JAK2: variants seen among roughly 807,000 people sequenced by gnomAD.
JAK2 encodes the protein tyrosine-protein kinase JAK2.
Under a neutral mutation model 139.3 loss-of-function variants are expected in JAK2, and 86 were observed. The observed-to-expected ratio is 0.62, with a 90% CI of 0.52 to 0.74. The LOEUF (loss-of-function observed/expected upper bound fraction) is 0.74. Among genes scored for constraint, JAK2 ranks in the 30% least tolerant of loss-of-function variants. JAK2 has a pLI of 0.00. For missense variants in JAK2, 1,421 were observed against 1,360.3 expected, an observed-to-expected ratio of 1.04 and a Z score of -0.70; for synonymous variants, 490 against 437.7, an observed-to-expected ratio of 1.12 and a Z score of -1.49.
intron 20 of JAK2, 47 bp downstream of exon 20, chr9:5,089,910 G>T: frequency 7.7e-7 from 1 of 1,295,672 alleles, no homozygotes. Flanking sequence ...TATGTGTTTG[G>T]CATCCTGTGT....
intron 22 of JAK2, chr9:5,108,911 T>C (rs1023810616): frequency 6.6e-5 from 10 of 152,130 alleles, no homozygotes; most frequent in African/African-American, 2.2e-4. Flanking sequence ...GCCTAGCAAA[T>C]TCCAACTACG....
chr9:5,119,743 GA>G (rs1179101182), intron 22 of JAK2, among the ~76,000 whole-genome samples: 1 of 152,068 alleles, frequency 6.6e-6, no homozygotes, highest in African/African-American at 2.4e-5. Context: ...CAACTTGTAT[GA>G]AAATCAGAAA....
chr9:5,013,805 G>A (rs1821869809), intron 2 of JAK2, among the ~76,000 whole-genome samples: 1 of 152,112 alleles, frequency 6.6e-6, no homozygotes, highest in African/African-American at 2.4e-5. Flanking sequence ...CTTAGATGAT[G>A]TGTAATTTAC....
rs776230238 is a variant in JAK2, at chr9:5,054,754, A to G, written c.806A>G (p.Lys269Arg). The change falls in exon 7 of 25, where the codon AAA becomes AGA. Residue 269 changes from lysine to arginine, a missense_variant. Transcript: ENST00000381652. The surrounding 1 kb of genome is among the most constrained non-coding windows in gnomAD (Gnocchi z 4.9). ...ETLQSAFYTE[K>R]FEVKEPGSGP... ...CTGCAGTCTGCCTTCTACACAGAGA[A>G]ATTTGAAGTAAAAGAACCTGGAAGT... 1.2e-6 allele frequency: 2 copies of G among 1,613,394 alleles called. No individual in the cohort carries two copies. Among genetic ancestry groups the G allele is most frequent in the Admixed American group, 3.3e-5 (2 of 59,952 alleles).
chr9:5,108,097 G>C (rs1822120561), intron 22 of JAK2: 1 of 151,836 alleles, frequency 6.6e-6, no homozygotes, highest in African/African-American at 2.4e-5. Context: ...TTTCTCTTCT[G>C]ATCTGCTGAT....
chr9:5,095,433 T>G (rs904003961), intron 22 of JAK2, among the ~76,000 whole-genome samples: 8 of 152,078 alleles, frequency 5.3e-5, no homozygotes, highest in African/African-American at 1.9e-4. Flanking sequence ...CATCTATAAT[T>G]CTCATGATGG....
In JAK2 at chr9:5,031,146, T is replaced by C. The variant is rs186301142; in HGVS notation, c.350+1240T>C. Among the ~76,000 whole-genome samples the C allele has an allele frequency of 2.2e-4, 33 of 152,322 alleles. 1 individual carries two copies. The highest frequency in any genetic ancestry group is 1.6e-3 in the Admixed American group (25 of 15,310). On this transcript the variant is annotated intron_variant, in intron 4 of 24. Transcript: ENST00000381652. ...ATATTACAAAGATCAATTTCTCTTA[T>C]GCTATATCCTTAGCTCTAAGCCAAT...
chr9:5,110,990 C>A (rs993644694), intron 22 of JAK2: 17 of 657,936 alleles, frequency 2.6e-5, no homozygotes, highest in Non-Finnish European at 4.6e-5. Context: ...ATGATGTTCC[C>A]GCTGCCCGTT....
chr9:5,072,350 G>A, intron 12 of JAK2, 142 bp from the exon 13 acceptor site: 1 of 508,694 alleles, frequency 2.0e-6, no homozygotes, highest in Non-Finnish European at 3.5e-6. Context: ...CATTAATTTG[G>A]AGTCTTAAAT....
intron 22 of JAK2, among the ~76,000 whole-genome samples, chr9:5,107,347 G>C (rs1197933517): frequency 6.6e-6 from 1 of 151,976 alleles, no homozygotes; most frequent in Non-Finnish European, 1.5e-5. Flanking sequence ...AGGCAGATTT[G>C]ACCCAATAAC....
chr9:5,118,302 C>T (rs1174572577), intron 22 of JAK2, among the ~76,000 whole-genome samples: 2 of 152,214 alleles, frequency 1.3e-5, no homozygotes, highest in East Asian at 3.8e-4. Context: ...CTTCCCTTCT[C>T]ATTCCAAATT....
intron 19 of JAK2, chr9:5,085,148 G>C: frequency 1.5e-6 from 1 of 646,808 alleles, no homozygotes; most frequent in Admixed American, 1.8e-5. Flanking sequence ...AATACATACT[G>C]TGGAGCTCTG....
rs58424625 is a variant in JAK2, at chr9:5,062,500, T to TAAAAAAAAAAAAAAAAAA, written c.1057-2369_1057-2352dup. On this transcript the variant is annotated intron_variant, in intron 8 of 24. Transcript: ENST00000381652. ...AAGTTTGTCAGAAACCTTCCATTTG[T>TAAAAAAAAAAAAAAAAAA]AAAAAAAAAAAAAAAAAAAAAAAAA... Among the ~76,000 whole-genome samples, 32 of 58,248 alleles carry TAAAAAAAAAAAAAAAAAA rather than the reference T, an allele frequency of 5.5e-4. 6 individuals carry two copies. The highest frequency in any genetic ancestry group is 3.1e-3 in the African/African-American group (30 of 9,598). 38.2% of individuals were successfully genotyped at this position (58,248 alleles called of 152,430 possible).
chr9:5,024,263 A>T (rs1484086949), intron 3 of JAK2, among the ~76,000 whole-genome samples: 1 of 152,144 alleles, frequency 6.6e-6, no homozygotes, highest in East Asian at 1.9e-4. Flanking sequence ...CTCAAAAAAA[A>T]ATTTTTTTTT....
chr9:5,123,830 T>C (rs895026577), intron 23 of JAK2, among the ~76,000 whole-genome samples: 3 of 151,664 alleles, frequency 2.0e-5, no homozygotes, highest in African/African-American at 7.3e-5. Context: ...TTTCTCTCTC[T>C]CATTTTTTTT....
intron 22 of JAK2, among the ~76,000 whole-genome samples, chr9:5,096,275 T>C (rs1820978528): frequency 1.3e-5 from 2 of 152,174 alleles, no homozygotes; most frequent in Admixed American, 1.3e-4. Context: ...AAATTTAGGT[T>C]AAATAAGACC....
chr9:5,068,970 G>A, intron 10 of JAK2, 52 bp from the exon 11 acceptor site: 3 of 1,005,380 alleles, frequency 3.0e-6, no homozygotes, highest in South Asian at 3.3e-5. Context: ...AATAATCACT[G>A]TGATGTCCAT....
intron 2 of JAK2, among the ~76,000 whole-genome samples, chr9:4,998,133 C>T (rs890392467): frequency 1.3e-5 from 2 of 151,918 alleles, no homozygotes; most frequent in African/African-American, 4.8e-5. Context: ...ATTTCCTGTG[C>T]AATTTTATTT....
At chr9:5,052,957 T>C (rs1456492642) in intron 6 of JAK2, among the ~76,000 whole-genome samples, 2 of 152,086 alleles carry the variant, frequency 1.3e-5, no homozygotes, top group African/African-American at 4.8e-5. Flanking sequence ...CTATGAACAG[T>C]TGTATATGAG....
Sources: allele counts gnomAD v4.1 joint callset (sites outside exome capture counted in the v4.1 genomes callset), GRCh38; gene constraint gnomAD v4.1.1; non-coding constraint Gnocchi (gnomAD v3.1); transcripts MANE v1.5; gene names NCBI Gene and HGNC (gene_info 2026-07-23, HGNC 2026-07-21).